Variants in PCDH9 observed in about 807,000 individuals in gnomAD.
PCDH9 encodes protocadherin-9.
PCDH9 carries 24 observed loss-of-function variants against 70.6 expected under a neutral mutation model. The observed-to-expected ratio is 0.34, with a 90% CI of 0.25 to 0.48. PCDH9 has a LOEUF of 0.48. Ranked by LOEUF, PCDH9 falls within the 20% of genes least tolerant of loss-of-function variation. The probability of loss-of-function intolerance (pLI) is 0.99; values close to 1 mark genes in which losing one functional copy is unlikely to be tolerated. For missense variants in PCDH9, 1,281 were observed against 1,503.6 expected (o/e 0.85, Z 2.45); for synonymous variants, 562 against 558.5 (o/e 1.01, Z -0.09).
intron 2 of PCDH9, among the ~76,000 whole-genome samples, chr13:67,166,752 T>A (rs548657835): frequency 3.2e-4 from 49 of 152,298 alleles, no homozygotes; most frequent in African/African-American, 1.2e-3. Context: ...ACGTATAATG[T>A]TGGAATAAAA....
intron 4 of PCDH9, among the ~76,000 whole-genome samples, chr13:66,536,590 A>G (rs2138645602): frequency 6.6e-6 from 1 of 152,256 alleles, no homozygotes; most frequent in African/African-American, 2.4e-5. Context: ...TTTCAAGACA[A>G]TACAAATACA....
chr13:66,769,185 G>T (rs1293890525), intron 3 of PCDH9, among the ~76,000 whole-genome samples: 2 of 151,770 alleles, frequency 1.3e-5, no homozygotes, highest in Non-Finnish European at 2.9e-5. Context: ...CACCCTACAG[G>T]GTTCCAGTAA....
intron 2 of PCDH9, among the ~76,000 whole-genome samples, chr13:67,169,109 C>T (rs1388262402): frequency 1.3e-5 from 2 of 152,168 alleles, no homozygotes; most frequent in African/African-American, 4.8e-5. Flanking sequence ...TGGAAGTCCT[C>T]AGCACCACTG....
intron 3 of PCDH9, among the ~76,000 whole-genome samples, chr13:66,847,515 T>C (rs1449404355): frequency 6.6e-6 from 1 of 152,178 alleles, no homozygotes; most frequent in Admixed American, 6.5e-5. Flanking sequence ...TCTAACAACA[T>C]ACAGTTCAAC....
chr13:66,941,869 A>G (rs1325140869), intron 2 of PCDH9, among the ~76,000 whole-genome samples: 3 of 151,972 alleles, frequency 2.0e-5, no homozygotes, highest in Non-Finnish European at 4.4e-5. Context: ...AGCAGAATGT[A>G]TATTATTTTC....
At chr13:66,774,775 G>A (rs571537925) in intron 3 of PCDH9, among the ~76,000 whole-genome samples, 2 of 152,180 alleles carry the variant, frequency 1.3e-5, no homozygotes, top group South Asian at 2.1e-4. Flanking sequence ...TAATTCTATT[G>A]TGCATAATTA....
intron 4 of PCDH9, among the ~76,000 whole-genome samples, chr13:66,507,905 T>G (rs1244444965): frequency 6.6e-6 from 1 of 152,110 alleles, no homozygotes; most frequent in African/African-American, 2.4e-5. Context: ...GTATTTTTAG[T>G]AGAGACAGGG....
intron 4 of PCDH9, among the ~76,000 whole-genome samples, chr13:66,548,246 TTTC>T (rs1245998970): frequency 6.6e-6 from 1 of 152,094 alleles, no homozygotes; most frequent in African/African-American, 2.4e-5. Context: ...TGCAAATTTT[TTTC>T]TTATTTAAAA....
intron 2 of PCDH9, among the ~76,000 whole-genome samples, chr13:67,087,521 G>A (rs1181222358): frequency 6.6e-6 from 1 of 152,086 alleles, no homozygotes; most frequent in African/African-American, 2.4e-5. Flanking sequence ...AGCAAGTTCT[G>A]AGAGTTAAAA....
intron 4 of PCDH9, among the ~76,000 whole-genome samples, chr13:66,400,403 A>G (rs1957166490): frequency 6.6e-6 from 1 of 152,230 alleles, no homozygotes; most frequent in African/African-American, 2.4e-5. Flanking sequence ...GAAATGCATA[A>G]GTATGTCATA....
intron 4 of PCDH9, among the ~76,000 whole-genome samples, chr13:66,500,019 T>C (rs1447891476): frequency 6.6e-6 from 1 of 152,214 alleles, no homozygotes; most frequent in African/African-American, 2.4e-5. Context: ...CTGCAGAAAC[T>C]GAGCCAAATA....
At chr13:67,225,215 C>G in intron 2 of PCDH9, 190 bp downstream of exon 2, 1 of 1,327,960 alleles carries the variant, frequency 7.5e-7, no homozygotes, top group South Asian at 1.8e-5. Context: ...TCTCAGAACT[C>G]AGAAATTTCA....
intron 2 of PCDH9, among the ~76,000 whole-genome samples, chr13:66,989,028 C>A (rs951335520): frequency 2.6e-5 from 4 of 151,736 alleles, no homozygotes; most frequent in Non-Finnish European, 5.9e-5. Flanking sequence ...TTGTTTGGAG[C>A]ACAACATATA....
chr13:67,191,738 C>T (rs1052337539), intron 2 of PCDH9, among the ~76,000 whole-genome samples: 2 of 152,048 alleles, frequency 1.3e-5, no homozygotes, highest in African/African-American at 4.8e-5. Context: ...TCTTCTCTAC[C>T]TGCCCTGTCT....
At chr13:66,442,173 A>G (rs1292075605) in intron 4 of PCDH9, among the ~76,000 whole-genome samples, 1 of 152,198 alleles carries the variant, frequency 6.6e-6, no homozygotes, top group African/African-American at 2.4e-5. Context: ...TGCCACATAC[A>G]TCAATTGACT....
intron 3 of PCDH9, among the ~76,000 whole-genome samples, chr13:66,817,253 T>C (rs929324063): frequency 2.6e-5 from 4 of 152,118 alleles, no homozygotes; most frequent in African/African-American, 9.7e-5. Context: ...AACATATTAA[T>C]GAGGTCACAA....
chr13:66,585,892 A>C lies in PCDH9; in HGVS notation c.3340+45318T>G, dbSNP rs2076956110. Among the ~76,000 whole-genome samples the C allele has an allele frequency of 2.0e-5, 3 of 152,158 alleles. No homozygotes were observed. In the South Asian group the frequency reaches 6.2e-4, roughly 32 times the overall value. Reference sequence around the variant, plus strand: ...TTTTGACCTAAGACAAAGAGACAAAAAGTGGTCTTTTGTGGTCAACCCTCT... The same window carrying C: ...TTTTGACCTAAGACAAAGAGACAAACAGTGGTCTTTTGTGGTCAACCCTCT... On this transcript the variant is annotated intron_variant, in intron 4 of 4. Coordinates refer to ENST00000377865, the MANE Select transcript of PCDH9 (RefSeq NM_203487.3).
At chr13:66,397,354 G>A (rs1189905317) in intron 4 of PCDH9, among the ~76,000 whole-genome samples, 2 of 151,984 alleles carry the variant, frequency 1.3e-5, no homozygotes, top group African/African-American at 2.4e-5. Flanking sequence ...AGGAGGTCAA[G>A]GCTTCGGTGA....
intron 2 of PCDH9, among the ~76,000 whole-genome samples, chr13:67,030,378 T>G (rs1179960803): frequency 6.6e-6 from 1 of 152,050 alleles, no homozygotes; most frequent in Non-Finnish European, 1.5e-5. Context: ...GTCCTGCTCT[T>G]CATCAAAAAA....
Sources: allele counts gnomAD v4.1 joint callset (sites outside exome capture counted in the v4.1 genomes callset), GRCh38; gene constraint gnomAD v4.1.1; transcripts MANE v1.5; gene names NCBI Gene and HGNC (gene_info 2026-07-23, HGNC 2026-07-21).